BAZ1A: variants seen among roughly 807,000 people sequenced by gnomAD.
The protein encoded by BAZ1A is bromodomain adjacent to zinc finger domain 1A.
In BAZ1A, 50 loss-of-function variants were observed where a neutral mutation model predicts 185.2. The ratio of observed to expected loss-of-function variants is 0.27; its 90% confidence interval spans 0.22 to 0.34. BAZ1A has a LOEUF of 0.34. Ranked by LOEUF, BAZ1A falls within the 10% of genes least tolerant of loss-of-function variation. BAZ1A has a pLI of 1.00. For missense variants in BAZ1A, 1,356 were observed against 1,839.9 expected (o/e 0.74, Z 4.81); for synonymous variants, 571 against 615.6 (o/e 0.93, Z 1.07).
intron 3 of BAZ1A, among the ~76,000 whole-genome samples, chr14:34,845,859 CAAAAAAAA>C (rs3062591): frequency 4.3e-5 from 5 of 115,212 alleles, no homozygotes; most frequent in Non-Finnish European, 5.3e-5. Context: ...GACTCTGTCT[CAAAAAAAA>C]AAAAAAAAAA....
At chr14:34,792,734 A>G in intron 12 of BAZ1A, 41 bp downstream of exon 12, 1 of 1,594,986 alleles carries the variant, frequency 6.3e-7, no homozygotes, top group Non-Finnish European at 8.5e-7. Flanking sequence ...TTTCGCTACA[A>G]AACTACTATG....
At chr14:34,757,984 T>C (rs1458320975) in intron 25 of BAZ1A, among the ~76,000 whole-genome samples, 2 of 151,172 alleles carry the variant, frequency 1.3e-5, no homozygotes, top group South Asian at 4.2e-4. Flanking sequence ...CCTGACCTCG[T>C]GATCCGCCCG....
chr14:34,753,718 G>A lies in BAZ1A; in HGVS notation c.4475-14C>T. On this transcript the variant is annotated splice_polypyrimidine_tract_variant and intron_variant, in intron 26 of 26. Transcript: ENST00000360310. ...CAATAAACTCAGCTAGAAAGGGAAAGAGACAAAAAGATTAGAATGAAAGTA... is the reference window on the plus strand; with the variant it reads ...CAATAAACTCAGCTAGAAAGGGAAAAAGACAAAAAGATTAGAATGAAAGTA... The A allele has an allele frequency of 1.3e-6, 2 of 1,530,430 alleles. No homozygotes were observed. The highest frequency in any genetic ancestry group is 2.0e-5 in the Admixed American group (1 of 50,674). The allele number at this position is 1,530,430 out of a possible 1,614,324, so 94.8% of individuals were successfully genotyped here.
intron 11 of BAZ1A, 144 bp downstream of exon 11, chr14:34,794,605 G>T: frequency 1.4e-6 from 1 of 739,536 alleles, no homozygotes; most frequent in Non-Finnish European, 2.1e-6. Context: ...ACCTGTGTGA[G>T]AAGAAGCCAT....
At chr14:34,832,215 C>CACACACACATACACATATATATATAT in intron 3 of BAZ1A, among the ~76,000 whole-genome samples, 1 of 89,670 alleles carries the variant, frequency 1.1e-5, no homozygotes. Context: ...CACACACACA[C>CACACACACATACACATATATATATAT]ATATATATAT....
intron 2 of BAZ1A, among the ~76,000 whole-genome samples, chr14:34,873,777 C>CCA (rs1555346708): frequency 6.6e-6 from 1 of 151,876 alleles, no homozygotes; most frequent in Admixed American, 6.5e-5. Flanking sequence ...TCCCCGGAGA[C>CCA]GAGTTAGTCA....
chr14:34,826,118 T>C lies in BAZ1A; in HGVS notation c.431A>G (p.His144Arg). ...ATGTCCATTAGCAAAACCATTTTGA[T>C]GTGATGGAGGGAGGACTTCCAAAAT... ...CRILEVLPPS[H>R]QNGFANGHVN... Residue 144 changes from histidine to arginine, a missense_variant, in exon 4 of 27, where the codon CAT (histidine) becomes CGT (arginine). His to Arg is a conservative substitution (Grantham distance 29). Transcript: ENST00000360310. 1.2e-6 allele frequency: 2 copies of C among 1,612,540 alleles called. No homozygotes were observed. The highest frequency in any genetic ancestry group is 2.2e-5 in the South Asian group (2 of 90,570).
At chr14:34,785,671 C>A (rs1880391779) in intron 14 of BAZ1A, 106 bp downstream of exon 14, 2 of 877,872 alleles carry the variant, frequency 2.3e-6, no homozygotes, top group South Asian at 3.3e-5. Context: ...CTCTTTTTCT[C>A]TTTTAATACT....
At chr14:34,764,580 C>G in intron 23 of BAZ1A, 127 bp downstream of exon 23, 1 of 1,285,870 alleles carries the variant, frequency 7.8e-7, no homozygotes, top group South Asian at 1.5e-5. Context: ...GCATAAGCTA[C>G]CGTGTCCAGC....
intron 4 of BAZ1A, among the ~76,000 whole-genome samples, chr14:34,825,447 C>CAAAAAAAAAAAAAAAA (rs35449855): frequency 1.4e-4 from 8 of 55,408 alleles, no homozygotes; most frequent in Non-Finnish European, 2.0e-4. Flanking sequence ...AACTCTGTCT[C>CAAAAAAAAAAAAAAAA]AAAAAAAAAA....
rs562032198 is a variant in BAZ1A at position 34,758,889 on chromosome 14, AT to A, written c.4244-44del. The A allele has an allele frequency of 4.9e-5, 79 of 1,600,208 alleles. 1 individual carries two copies. In the South Asian group the frequency reaches 7.7e-4, roughly 16 times the overall value. ...ACATTTTAGGTGATAACAAAGCAAA[AT>A]ATTGGTTCACTACACGCCAAACTGG... On this transcript the variant is annotated intron_variant, in intron 24 of 26. Coordinates refer to ENST00000360310, the MANE Select transcript of BAZ1A (RefSeq NM_013448.3).
At chr14:34,863,557 C>T (rs931913979) in intron 2 of BAZ1A, among the ~76,000 whole-genome samples, 4 of 152,072 alleles carry the variant, frequency 2.6e-5, no homozygotes, top group African/African-American at 9.7e-5. Context: ...CCACCTGCCT[C>T]GGCCTCCCAA....
intron 3 of BAZ1A, among the ~76,000 whole-genome samples, chr14:34,855,036 G>A (rs545810357): frequency 5.3e-5 from 8 of 152,208 alleles, no homozygotes; most frequent in East Asian, 3.9e-4. Context: ...CTGAGATCGC[G>A]CCACTGCACT....
chr14:34,875,200 C>A lies in BAZ1A; in HGVS notation c.-121G>T, dbSNP rs932696395. 1 of 450,046 alleles carries A rather than the reference C, an allele frequency of 2.2e-6. No individual in the cohort carries two copies. The allele number at this position is 450,046 out of a possible 1,614,324, so 27.9% of individuals were successfully genotyped here. A position where few individuals can be genotyped will look rare whatever the true frequency, so the allele number is the denominator to read the frequency against. The stretch of plus-strand genomic sequence containing the variant: ...ACTACAAAGGCAACGAGGGGAGACC[C>A]CGTCCTCCCAGGGGACCGCCTCTCT... On this transcript the variant is annotated 5_prime_UTR_variant, in exon 1 of 27. Coordinates refer to ENST00000360310, the MANE Select transcript of BAZ1A (RefSeq NM_013448.3).
intron 6 of BAZ1A, among the ~76,000 whole-genome samples, chr14:34,806,275 A>G (rs930702545): frequency 4.6e-5 from 7 of 152,154 alleles, no homozygotes; most frequent in Non-Finnish European, 1.0e-4. Flanking sequence ...AAATGCATAC[A>G]TCTCTCTAAC....
chr14:34,822,767 T>C (rs921097447), intron 4 of BAZ1A, among the ~76,000 whole-genome samples: 1 of 152,222 alleles, frequency 6.6e-6, no homozygotes, highest in Non-Finnish European at 1.5e-5. Flanking sequence ...AATTCAATCA[T>C]ACTTTGTAGT....
Position 34,874,709 on chromosome 14 carries a change from C to A in BAZ1A, c.-58-47G>T. On this transcript the variant is annotated intron_variant, in intron 1 of 26. Coordinates refer to ENST00000360310, the MANE Select transcript of BAZ1A (RefSeq NM_013448.3). The surrounding 1 kb of genome is among the most constrained non-coding windows in gnomAD (Gnocchi z 4.7). ...GAAAGCCGGTAAGGTGGGGAGCCCT[C>A]GGCGGCAGCGTGGGCCGGTCCGCGC... 2 of 950,556 alleles carry A rather than the reference C, an allele frequency of 2.1e-6. No homozygotes were observed. Among genetic ancestry groups the A allele is most frequent in the Non-Finnish European group, 3.0e-6 (2 of 656,212 alleles). The allele number at this position is 950,556 out of a possible 1,614,324, so 58.9% of individuals were successfully genotyped here. A position where few individuals can be genotyped will look rare whatever the true frequency, so the allele number is the denominator to read the frequency against.
chr14:34,763,738 G>A (rs563105516), intron 23 of BAZ1A, among the ~76,000 whole-genome samples: 103 of 152,172 alleles, frequency 6.8e-4, no homozygotes, highest in Non-Finnish European at 1.2e-3. Flanking sequence ...GCATATTTTA[G>A]CAATACATTA....
At chr14:34,773,516 A>AC in intron 20 of BAZ1A, 56 bp downstream of exon 20, 2 of 1,474,586 alleles carry the variant, frequency 1.4e-6, no homozygotes, top group South Asian at 1.4e-5. Context: ...AAAAAAAAAA[A>AC]AAACCTTAAA....
Sources: gnomAD v4.1 joint callset for allele counts (sites outside exome capture counted in the v4.1 genomes callset) on GRCh38, gnomAD v4.1.1 for gene constraint, Gnocchi (gnomAD v3.1) non-coding constraint, MANE v1.5 for transcripts, NCBI Gene and HGNC (gene_info 2026-07-23, HGNC 2026-07-21) for gene names.